CDKN2B-AS1: variants seen among roughly 807,000 people sequenced by gnomAD.
CDKN2B-AS1 encodes the protein CDKN2B antisense RNA 1 (non-protein coding).
At chr9:22,121,402 A>C (rs1245711659) in intron 4 of CDKN2B-AS1, among the ~76,000 whole-genome samples, 1 of 152,106 alleles carries the variant, frequency 6.6e-6, no homozygotes. Context: ...CATAGGGTAC[A>C]TAGTGGCGCT....
intron 1 of CDKN2B-AS1, among the ~76,000 whole-genome samples, chr9:22,034,130 G>C (rs1418619106): frequency 6.6e-6 from 1 of 152,174 alleles, no homozygotes; most frequent in Non-Finnish European, 1.5e-5. Flanking sequence ...TGAACATGTG[G>C]TGGGATAGAT....
At chr9:22,102,536 C>G (rs567197225) in intron 4 of CDKN2B-AS1, among the ~76,000 whole-genome samples, 3 of 152,130 alleles carry the variant, frequency 2.0e-5, no homozygotes, top group Non-Finnish European at 4.4e-5. Context: ...TGTTCCTTGC[C>G]TCTTCCACCT....
intron 4 of CDKN2B-AS1, among the ~76,000 whole-genome samples, chr9:22,082,711 T>C (rs1824739773): frequency 6.6e-6 from 1 of 152,196 alleles, no homozygotes; most frequent in Non-Finnish European, 1.5e-5. Flanking sequence ...TTGGGAACTA[T>C]AGAAAACATG....
chr9:22,083,035 T>C (rs1441258500), intron 4 of CDKN2B-AS1, among the ~76,000 whole-genome samples: 2 of 152,138 alleles, frequency 1.3e-5, no homozygotes, highest in African/African-American at 2.4e-5. Context: ...ATGAATTACA[T>C]GATTAGATTT....
rs1820809045 is a variant in CDKN2B-AS1, at chr9:21,999,030, A to G, written n.29+3869A>G. ...GTAGAATATGTGCAAATAGTAAAAA[A>G]TAAAAAGATAATCTTACTCATTAAT... On this transcript the variant is annotated intron_variant and non_coding_transcript_variant, in intron 1 of 4. Transcript: ENST00000650946. The surrounding 1 kb of genome is among the most constrained non-coding windows in gnomAD (Gnocchi z 4.7). 6.6e-6 allele frequency among the ~76,000 whole-genome samples: 1 copy of G among 152,182 alleles called. No homozygotes were observed. Among genetic ancestry groups the G allele is most frequent in the Admixed American group, 6.5e-5 (1 of 15,272 alleles).
intron 3 of CDKN2B-AS1, among the ~76,000 whole-genome samples, chr9:22,051,338 A>G (rs182535981): frequency 6.6e-6 from 1 of 152,284 alleles, no homozygotes; most frequent in Admixed American, 6.5e-5. Flanking sequence ...TCTTCACAGT[A>G]ATTAAACAAG....
intron 4 of CDKN2B-AS1, among the ~76,000 whole-genome samples, chr9:22,126,136 A>G (rs1467302963): frequency 6.6e-6 from 1 of 152,180 alleles, no homozygotes; most frequent in African/African-American, 2.4e-5. Context: ...GTTGATTAAC[A>G]CTGGAAAAGG....
rs1390171214 is a variant in CDKN2B-AS1, at chr9:21,999,141, A to C, written n.29+3980A>C. 6.6e-6 allele frequency among the ~76,000 whole-genome samples: 1 copy of C among 151,914 alleles called. No homozygotes were observed. The highest frequency in any genetic ancestry group is 1.5e-5 in the Non-Finnish European group (1 of 67,936). On this transcript the variant is annotated intron_variant and non_coding_transcript_variant, in intron 1 of 4. Transcript: ENST00000650946. This position sits in a 1 kb window ranked among gnomAD's most constrained non-coding sequence, Gnocchi z 4.7. ...TTGACAAAGTTGTCAGGAAACAATC[A>C]CTCTTACTATTACAACTTGGTGTAA...
chr9:22,109,113 C>T (rs551034084), intron 4 of CDKN2B-AS1, among the ~76,000 whole-genome samples: 2 of 152,244 alleles, frequency 1.3e-5, no homozygotes, highest in East Asian at 1.9e-4. Flanking sequence ...AAATAAGAGG[C>T]GATCATCATT....
At chr9:22,126,772 C>T (rs761238148) in intron 4 of CDKN2B-AS1, among the ~76,000 whole-genome samples, 15 of 152,032 alleles carry the variant, frequency 9.9e-5, no homozygotes, top group Non-Finnish European at 2.1e-4. Flanking sequence ...CGGGGTTTCA[C>T]CATGTTAGCC....
At position 22,039,704 on chromosome 9, in the gene CDKN2B-AS1, T is replaced by G. The variant is rs2131261996; in HGVS notation, n.30-7047T>G. Among the ~76,000 whole-genome samples the G allele has an allele frequency of 6.6e-6, 1 of 152,086 alleles. No homozygotes were observed. The highest frequency in any genetic ancestry group is 6.6e-5 in the Admixed American group (1 of 15,258). On this transcript the variant is annotated intron_variant and non_coding_transcript_variant, in intron 1 of 4. Transcript: ENST00000650946. The surrounding 1 kb of genome is among the most constrained non-coding windows in gnomAD (Gnocchi z 4.4). ...AATTAGCTATGGCACACTGCACGGT[T>G]TTTCTGACCTCTCAGCTCCTAAATA...
At chr9:22,070,865 G>T (rs1353067156) in intron 4 of CDKN2B-AS1, among the ~76,000 whole-genome samples, 1 of 152,142 alleles carries the variant, frequency 6.6e-6, no homozygotes, top group Non-Finnish European at 1.5e-5. Flanking sequence ...GAGGCATTTT[G>T]TTCAGCATAG....
intron 4 of CDKN2B-AS1, chr9:22,119,876 T>G (rs1055539745): frequency 1.3e-5 from 2 of 152,190 alleles, no homozygotes; most frequent in African/African-American, 4.8e-5. Flanking sequence ...GCAGTCAAGT[T>G]AAAACAATAA....
chr9:22,054,283 C>T lies in CDKN2B-AS1; in HGVS notation n.303-1969C>T, dbSNP rs187127159. Among the ~76,000 whole-genome samples, 8 of 152,318 alleles carry T rather than the reference C, an allele frequency of 5.3e-5. No homozygotes were observed. The East Asian group carries it at 1.2e-3, about 22-fold the overall frequency. ...TGGAATGTGAATCTCTGCAGTTTGA[C>T]GCCAGAGTGCATGCTCTTAGTCACT... On this transcript the variant is annotated intron_variant and non_coding_transcript_variant, in intron 3 of 4. Transcript: ENST00000650946.
chr9:22,065,189 G>A (rs761112818), intron 4 of CDKN2B-AS1, among the ~76,000 whole-genome samples: 7 of 152,088 alleles, frequency 4.6e-5, no homozygotes, highest in African/African-American at 9.7e-5. Context: ...CACTTCTCCC[G>A]TCCAGAAGTT....
chr9:22,052,625 T>C (rs1306490350), intron 3 of CDKN2B-AS1, among the ~76,000 whole-genome samples: 1 of 152,218 alleles, frequency 6.6e-6, no homozygotes, highest in African/African-American at 2.4e-5. Context: ...TGCTGTCTTT[T>C]CATCAAAACT....
intron 4 of CDKN2B-AS1, among the ~76,000 whole-genome samples, chr9:22,107,086 G>T (rs931306704): frequency 8.5e-5 from 13 of 152,206 alleles, no homozygotes; most frequent in African/African-American, 2.7e-4. Context: ...TCTTTAGAAG[G>T]CAGTATGGAG....
In CDKN2B-AS1 at chr9:22,099,694, G is replaced by T. The variant is rs76350466; in HGVS notation, n.439-27409G>T. On this transcript the variant is annotated intron_variant and non_coding_transcript_variant, in intron 4 of 4. Transcript: ENST00000650946. ...AATACTGAGATGGTGGGGTGGTAAA[G>T]AGGGAAAAGATTTGAGCCACATTTA... Among the ~76,000 whole-genome samples, 403 of 152,214 alleles carry T rather than the reference G, an allele frequency of 2.6e-3. 1 individual carries two copies. Among genetic ancestry groups the T allele is most frequent in the African/African-American group, 9.2e-3 (381 of 41,554 alleles).
chr9:22,034,208 A>G (rs1822592433), intron 1 of CDKN2B-AS1, among the ~76,000 whole-genome samples: 1 of 152,216 alleles, frequency 6.6e-6, no homozygotes, highest in East Asian at 1.9e-4. Flanking sequence ...TTTCCATATT[A>G]AAATTCTATT....
Sources: gnomAD v4.1 joint callset for allele counts (sites outside exome capture counted in the v4.1 genomes callset) on GRCh38, gnomAD v4.1.1 for gene constraint, Gnocchi (gnomAD v3.1) non-coding constraint, MANE v1.5 for transcripts, NCBI Gene and HGNC (gene_info 2026-07-23, HGNC 2026-07-21) for gene names.